Variants in KMT2C observed in about 807,000 individuals in gnomAD.
KMT2C encodes the protein histone-lysine N-methyltransferase 2C.
A neutral mutation model predicts 507.9 loss-of-function variants in KMT2C; 88 were observed. The observed-to-expected ratio is 0.17, with a 90% CI of 0.15 to 0.21. The LOEUF is 0.21. KMT2C is among the 10% of genes least tolerant of loss of function. The pLI, the probability that KMT2C is intolerant of heterozygous loss-of-function variation, is 1.00. For missense variants in KMT2C, 4,954 were observed against 5,957.8 expected (o/e 0.83, Z 5.55); for synonymous variants, 2,049 against 2,080.8 (o/e 0.98, Z 0.42).
At chr7:152,355,675 G>C (rs2097145904) in intron 2 of KMT2C, among the ~76,000 whole-genome samples, 2 of 152,120 alleles carry the variant, frequency 1.3e-5, no homozygotes, top group Admixed American at 1.3e-4. Context: ...AGGTTAAGGA[G>C]GATGAAGACT....
At position 152,359,458 on chromosome 7, in the gene KMT2C, C is replaced by T. The variant is rs574298627; in HGVS notation, c.162-783G>A. Among the ~76,000 whole-genome samples the T allele has an allele frequency of 3.2e-4, 48 of 152,122 alleles. No individual in the cohort carries two copies. In the South Asian group the frequency reaches 7.1e-3, roughly 22 times the overall value. On this transcript the variant is annotated intron_variant, in intron 1 of 58. Transcript: ENST00000262189. ...ATAATGTCAGTGTTTTAAATTATTT[C>T]GCAGTATTTTAAACTCTTTAAAAGA...
At chr7:152,423,211 A>G (rs1182250401) in intron 1 of KMT2C, among the ~76,000 whole-genome samples, 2 of 151,482 alleles carry the variant, frequency 1.3e-5, no homozygotes, top group Non-Finnish European at 1.5e-5. Context: ...TTGGTGGTGC[A>G]TGCCTGTAAT....
In KMT2C at chr7:152,368,056, T is replaced by C; in HGVS notation, c.162-9381A>G. ...ATAGATGATGAAGAAGAAAATAAAC[T>C]TGCTAAAAAGGTAAAGGACTGTTTA... On this transcript the variant is annotated intron_variant, in intron 1 of 58. Coordinates refer to ENST00000262189, the MANE Select transcript of KMT2C (RefSeq NM_170606.3). 2.3e-6 allele frequency: 2 copies of C among 865,330 alleles called. 1 individual carries two copies. Among genetic ancestry groups the C allele is most frequent in the South Asian group, 2.8e-5 (2 of 72,260 alleles). The allele number at this position is 865,330 out of a possible 1,614,324, so 53.6% of individuals were successfully genotyped here.
chr7:152,330,661 C>T lies in KMT2C; in HGVS notation c.329G>A (p.Arg110Gln), dbSNP rs138327796. The T allele has an allele frequency of 5.6e-5, 90 of 1,614,008 alleles. No individual in the cohort carries two copies. The highest frequency in any genetic ancestry group is 7.3e-5 in the Non-Finnish European group (86 of 1,179,976). Residue 110 changes from arginine (R) to glutamine (Q), a missense_variant, in exon 3 of 59, where the codon CGA (arginine) becomes CAA (glutamine). Arg to Gln is a conservative substitution (Grantham distance 43). Coordinates refer to ENST00000262189, the MANE Select transcript of KMT2C (RefSeq NM_170606.3). Reference sequence around the variant, plus strand: ...GTTTGCCGATTCCTCAGACACAGATCGCTGAAGAGTTGGAATTAGCTGTTT... The same window carrying T: ...GTTTGCCGATTCCTCAGACACAGATTGCTGAAGAGTTGGAATTAGCTGTTT... ...NSKQLIPTLQ[R>Q]SVSEESANSL...
chr7:152,351,946 A>G (rs544004815), intron 2 of KMT2C, among the ~76,000 whole-genome samples: 8 of 152,328 alleles, frequency 5.3e-5, no homozygotes, highest in Admixed American at 2.0e-4. Context: ...GAGCACCTTG[A>G]AAAAAGAACA....
intron 37 of KMT2C, 63 bp downstream of exon 37, chr7:152,179,771 C>T (rs2129117755): frequency 2.0e-6 from 3 of 1,483,140 alleles, no homozygotes; most frequent in Non-Finnish European, 2.8e-6. Context: ...CAAGCCACCA[C>T]ACCCAGCTCT....
intron 9 of KMT2C, among the ~76,000 whole-genome samples, chr7:152,262,421 C>G (rs149562544): frequency 2.3e-4 from 35 of 150,304 alleles, no homozygotes; most frequent in South Asian, 4.2e-4. Context: ...CAAGGGCTAT[C>G]TCCACTACCC....
At position 152,389,480 on chromosome 7, in the gene KMT2C, T is replaced by C. The variant is rs1174145117; in HGVS notation, c.162-30805A>G. 9.6e-5 allele frequency among the ~76,000 whole-genome samples: 7 copies of C among 73,298 alleles called. No individual in the cohort carries two copies. In the South Asian group the frequency reaches 1.1e-3, roughly 12 times the overall value. 48.1% of individuals were successfully genotyped at this position (73,298 alleles called of 152,430 possible). A position where few individuals can be genotyped will look rare whatever the true frequency, so the allele number is the denominator to read the frequency against. ...TATTTAAATTTTCTAATTATTTACT[T>C]TTTTTTTTTTTAAATACCTGGTGGA... On this transcript the variant is annotated intron_variant, in intron 1 of 58. Coordinates refer to ENST00000262189, the MANE Select transcript of KMT2C (RefSeq NM_170606.3).
intron 1 of KMT2C, among the ~76,000 whole-genome samples, chr7:152,434,682 G>C (rs2097899124): frequency 6.6e-6 from 1 of 152,154 alleles, no homozygotes; most frequent in Admixed American, 6.6e-5. Flanking sequence ...CAGAAGCCGA[G>C]CAGTTCGCTG....
chr7:152,400,212 TGAA>T (rs1276565496), intron 1 of KMT2C, among the ~76,000 whole-genome samples: 2 of 151,908 alleles, frequency 1.3e-5, no homozygotes, highest in South Asian at 2.1e-4. Context: ...CCTGGGAGGC[TGAA>T]GAAGAATAGC....
intron 38 of KMT2C, 121 bp downstream of exon 38, chr7:152,176,070 A>G: frequency 9.6e-7 from 1 of 1,047,058 alleles, no homozygotes; most frequent in African/African-American, 1.6e-5. Flanking sequence ...CTCCTCAAGG[A>G]GGAATAGAAA....
At chr7:152,305,821 C>T (rs1436598815) in intron 6 of KMT2C, among the ~76,000 whole-genome samples, 1 of 152,020 alleles carries the variant, frequency 6.6e-6, no homozygotes, top group Non-Finnish European at 1.5e-5. Flanking sequence ...CTAGGCTTAC[C>T]TTGTATTTTC....
intron 9 of KMT2C, among the ~76,000 whole-genome samples, chr7:152,253,140 C>A (rs1340893159): frequency 6.6e-6 from 1 of 152,086 alleles, no homozygotes; most frequent in Non-Finnish European, 1.5e-5. Context: ...CAGGTGTGAG[C>A]CACTGCGCCT....
At chr7:152,139,307 C>G in intron 56 of KMT2C, 48 bp from the exon 57 acceptor site, 1 of 1,553,362 alleles carries the variant, frequency 6.4e-7, no homozygotes, top group Non-Finnish European at 8.8e-7. Context: ...CCTGAAACTC[C>G]CCTCTGTGTT....
chr7:152,384,603 C>CACCACT (rs2097406664), intron 1 of KMT2C, among the ~76,000 whole-genome samples: 2 of 151,844 alleles, frequency 1.3e-5, no homozygotes, highest in Non-Finnish European at 2.9e-5. Flanking sequence ...CCACCACCAC[C>CACCACT]ACCACCACCA....
intron 6 of KMT2C, among the ~76,000 whole-genome samples, chr7:152,294,640 C>T (rs552930129): frequency 2.0e-5 from 3 of 151,976 alleles, no homozygotes; most frequent in East Asian, 1.9e-4. Flanking sequence ...CTGCCGGACC[C>T]GCCACTCCCA....
chr7:152,328,294 A>G (rs1408665656), intron 3 of KMT2C, among the ~76,000 whole-genome samples: 1 of 152,180 alleles, frequency 6.6e-6, no homozygotes, highest in African/African-American at 2.4e-5. Flanking sequence ...GTTGATTCAC[A>G]TTGTATGTTC....
chr7:152,231,532 G>C lies in KMT2C; in HGVS notation c.2770-1211C>G, dbSNP rs546512938. Among the ~76,000 whole-genome samples, 21 of 152,400 alleles carry C rather than the reference G, an allele frequency of 1.4e-4. No homozygotes were observed. In the East Asian group the frequency reaches 4.0e-3, roughly 29 times the overall value. ...GTGGTGGCTCATGCCTATAATCTTA[G>C]CACTTTGGGAGGCTAAAGTGGGTGG... On this transcript the variant is annotated intron_variant, in intron 16 of 58. Coordinates refer to ENST00000262189, the MANE Select transcript of KMT2C (RefSeq NM_170606.3).
chr7:152,416,585 G>A (rs1201338575), intron 1 of KMT2C, among the ~76,000 whole-genome samples: 13 of 151,262 alleles, frequency 8.6e-5, no homozygotes, highest in African/African-American at 2.4e-4. Context: ...AATTAGCCAG[G>A]CATGGTAGCG....
Sources: gnomAD v4.1 joint callset for allele counts (sites outside exome capture counted in the v4.1 genomes callset) on GRCh38, gnomAD v4.1.1 for gene constraint, MANE v1.5 for transcripts, NCBI Gene and HGNC (gene_info 2026-07-23, HGNC 2026-07-21) for gene names.